The following RUVBL2 variants were observed in gnomAD, a reference collection of about 807,000 sequenced individuals.
RUVBL2 encodes the protein ruvB-like 2.
In RUVBL2, 9 loss-of-function variants were observed where a neutral mutation model predicts 57.9. The ratio of observed to expected loss-of-function variants is 0.16; its 90% confidence interval spans 0.09 to 0.27. The LOEUF (loss-of-function observed/expected upper bound fraction) is 0.27. Ranked by LOEUF, RUVBL2 falls within the 10% of genes least tolerant of loss-of-function variation. The probability of loss-of-function intolerance (pLI) is 1.00; values close to 1 mark genes in which losing one functional copy is unlikely to be tolerated. For synonymous variants in RUVBL2, 278 were observed against 264.6 expected, an observed-to-expected ratio of 1.05 and a Z score of -0.49; for missense variants, 456 against 669.6, an observed-to-expected ratio of 0.68 and a Z score of 3.52.
Position 49,009,821 on chromosome 19 carries a change from A to G in RUVBL2, c.508A>G (p.Thr170Ala), listed in dbSNP as rs923324848. 1.2e-6 allele frequency: 2 copies of G among 1,613,868 alleles called. No individual in the cohort carries two copies. Among genetic ancestry groups the G allele is most frequent in the African/African-American group, 2.7e-5 (2 of 74,864 alleles). The change falls in exon 7 of 15, where the codon ACC becomes GCC. Residue 170 changes from threonine (T) to alanine (A), a missense_variant. By Grantham distance (58) the Thr-to-Ala change is moderately conservative. Transcript: ENST00000595090. ...GACCCTCAAGACCACAGAGATGGAG[A>G]CCATCTACGACCTGGGCACCAAGAT... ...KLTLKTTEME[T>A]IYDLGTKMIE...
At chr19:49,003,530 A>C (rs571154134) in intron 3 of RUVBL2, among the ~76,000 whole-genome samples, 196 bp downstream of exon 3, 1 of 152,318 alleles carries the variant, frequency 6.6e-6, no homozygotes, top group East Asian at 1.9e-4. Flanking sequence ...TCATGCCTGT[A>C]ATCTCAGCAC....
In RUVBL2 at chr19:49,004,296, G is replaced by A; in HGVS notation, c.143G>A (p.Gly48Asp). ...CCACAGGCTTCGCAAGGCATGGTGG[G>A]TCAGCTGGCGGCACGGCGGGCGGCT... ...EPRQASQGMV[G>D]QLAARRAAGV... Residue 48 changes from glycine to aspartate, a missense_variant, in exon 4 of 15, where the codon GGT becomes GAT. Coordinates refer to ENST00000595090, the MANE Select transcript of RUVBL2 (RefSeq NM_006666.3). The A allele has an allele frequency of 6.2e-7, 1 of 1,612,470 alleles. No individual in the cohort carries two copies. The highest frequency in any genetic ancestry group is 8.5e-7 in the Non-Finnish European group (1 of 1,179,846).
At position 49,015,018 on chromosome 19, in the gene RUVBL2, C is replaced by A. The variant is rs1158133997; in HGVS notation, c.1122-3C>A. ...AGCCACCCCTGTCCCCCACTGCTTG[C>A]AGGTGCGAGGAAGAAGATGTGGAGA... On this transcript the variant is annotated splice_region_variant and splice_polypyrimidine_tract_variant and intron_variant, in intron 12 of 14. Transcript: ENST00000595090. 6.3e-7 allele frequency: 1 copy of A among 1,595,326 alleles called. No homozygotes were observed. The highest frequency in any genetic ancestry group is 8.5e-7 in the Non-Finnish European group (1 of 1,171,598).
intron 2 of RUVBL2, among the ~76,000 whole-genome samples, chr19:49,001,136 G>A (rs185341329): frequency 0.011 from 1,675 of 150,530 alleles, 34 homozygotes; most frequent in African/African-American, 0.038. Context: ...AGAGTGAGAC[G>A]CTCTCTCAAA....
At chr19:48,994,289 G>A (rs534930888) in intron 1 of RUVBL2, 41 of 294,902 alleles carry the variant, frequency 1.4e-4, no homozygotes, top group African/African-American at 8.3e-4. Flanking sequence ...TGGGAGCCTT[G>A]GATTGTTAGT....
chr19:48,999,173 A>G (rs1157226077), intron 1 of RUVBL2, 146 bp from the exon 2 acceptor site: 3 of 832,124 alleles, frequency 3.6e-6, no homozygotes, highest in Non-Finnish European at 6.2e-6. Flanking sequence ...GTGACAGGCA[A>G]GAGGGGTGGG....
At chr19:49,010,301 C>A (rs1436106436) in intron 8 of RUVBL2, 187 bp from the exon 9 acceptor site, 3 of 699,534 alleles carry the variant, frequency 4.3e-6, no homozygotes, top group Non-Finnish European at 7.2e-6. Flanking sequence ...CCCCCGTGAC[C>A]CTCAGCGCTC....
intron 4 of RUVBL2, among the ~76,000 whole-genome samples, chr19:49,006,318 G>A (rs140932550): frequency 3.5e-4 from 53 of 152,368 alleles, no homozygotes; most frequent in African/African-American, 1.2e-3. Flanking sequence ...AAGGTCTGGC[G>A]TTCAGAGCTA....
At chr19:49,010,771 C>T (rs1289838832) in intron 9 of RUVBL2, among the ~76,000 whole-genome samples, 160 bp downstream of exon 9, 1 of 152,158 alleles carries the variant, frequency 6.6e-6, no homozygotes, top group Non-Finnish European at 1.5e-5. Flanking sequence ...TGCAAGTCCG[C>T]TCCGTCCCCA....
rs1489770524 is a variant in RUVBL2, at chr19:49,015,002, T to C, written c.1122-19T>C. ...GGCTGGGCCCCGGCTGAGCCACCCCTGTCCCCCACTGCTTGCAGGTGCGAG... is the reference window on the plus strand; with the variant it reads ...GGCTGGGCCCCGGCTGAGCCACCCCCGTCCCCCACTGCTTGCAGGTGCGAG... On this transcript the variant is annotated intron_variant, in intron 12 of 14. Coordinates refer to ENST00000595090, the MANE Select transcript of RUVBL2 (RefSeq NM_006666.3). 6.3e-7 allele frequency: 1 copy of C among 1,584,260 alleles called. No individual in the cohort carries two copies. The highest frequency in any genetic ancestry group is 8.6e-7 in the Non-Finnish European group (1 of 1,166,332).
At chr19:49,001,226 A>G (rs1431702146) in intron 2 of RUVBL2, 1 of 151,176 alleles carries the variant, frequency 6.6e-6, no homozygotes, top group Non-Finnish European at 1.5e-5. Context: ...CAGTGGCGCA[A>G]TCTCGGCTCA....
Position 49,011,027 on chromosome 19 carries a change from C to A in RUVBL2, c.816C>A (p.Val272=). ...SGDTGEIKSE[V]REQINAKVAE... is the part of the protein sequence containing the mutation. ...ACACAGGGGAGATCAAGTCAGAAGTCCGTGAGCAGATCAATGCCAAGGTGG... is the reference window on the plus strand; with the variant it reads ...ACACAGGGGAGATCAAGTCAGAAGTACGTGAGCAGATCAATGCCAAGGTGG... Residue 272 remains valine, a synonymous_variant, in exon 10 of 15, where the codon GTC becomes GTA. Coordinates refer to ENST00000595090, the MANE Select transcript of RUVBL2 (RefSeq NM_006666.3). This position sits in a 1 kb window ranked among gnomAD's most constrained non-coding sequence, Gnocchi z 4.4. 6.2e-7 allele frequency: 1 copy of A among 1,613,128 alleles called. No homozygotes were observed. Among genetic ancestry groups the A allele is most frequent in the African/African-American group, 1.3e-5 (1 of 75,008 alleles).
chr19:49,014,750 G>T, intron 12 of RUVBL2, 147 bp downstream of exon 12: 1 of 1,212,404 alleles, frequency 8.2e-7, no homozygotes, highest in Non-Finnish European at 1.1e-6. Flanking sequence ...GGTGGCCTCC[G>T]ATCCGGGAGC....
upstream of RUVBL2, chr19:48,993,819 A>C: frequency 6.7e-7 from 1 of 1,492,458 alleles, no homozygotes; most frequent in Non-Finnish European, 9.3e-7. Flanking sequence ...AACCATCGAG[A>C]TCTTTGAAGA....
intron 8 of RUVBL2, 21 bp from the exon 9 acceptor site, chr19:49,010,467 T>TGCCCG: frequency 7.1e-7 from 1 of 1,401,208 alleles, no homozygotes; most frequent in Non-Finnish European, 9.9e-7. Context: ...CCGCCGTTCT[T>TGCCCG]CCCCCACCCC....
At position 49,009,861 on chromosome 19, in the gene RUVBL2, C is replaced by T; in HGVS notation, c.548C>T (p.Thr183Ile). 1 of 1,614,086 alleles carries T rather than the reference C, an allele frequency of 6.2e-7. No individual in the cohort carries two copies. Among genetic ancestry groups the T allele is most frequent in the South Asian group, 1.1e-5 (1 of 91,080 alleles). ...GGCACCAAGATGATTGAGTCCCTGA[C>T]CAAGGACAAGGTCCAGGCCGGGTGA... The part of the protein sequence containing the change: ...DLGTKMIESL[T>I]KDKVQAGDVI... Residue 183 changes from threonine to isoleucine, a missense_variant, in exon 7 of 15, where the codon ACC becomes ATC. This residue lies in a region of RUVBL2 where 233 missense variants were observed against 306.0 expected (regional missense o/e 0.76). Coordinates refer to ENST00000595090, the MANE Select transcript of RUVBL2 (RefSeq NM_006666.3).
At chr19:48,998,939 A>G (rs568311178) in intron 1 of RUVBL2, among the ~76,000 whole-genome samples, 59 of 151,558 alleles carry the variant, frequency 3.9e-4, no homozygotes, top group African/African-American at 1.4e-3. Context: ...GAGGCAGAGA[A>G]TTTCTTGAAC....
chr19:49,002,469 G>A lies in RUVBL2; in HGVS notation c.68-810G>A, dbSNP rs2039203783. Among the ~76,000 whole-genome samples, 3 of 152,144 alleles carry A rather than the reference G, an allele frequency of 2.0e-5. 1 individual carries two copies. In the South Asian group the frequency reaches 6.2e-4, roughly 32 times the overall value. ...CCCTCTCGCTGGCTGTGTGGCTGGG[G>A]CATGGGACCTAACCTCTCTGAGCTC... On this transcript the variant is annotated intron_variant, in intron 2 of 14. Transcript: ENST00000595090.
At chr19:48,995,636 C>T (rs148548181) in intron 1 of RUVBL2, among the ~76,000 whole-genome samples, 23 of 151,684 alleles carry the variant, frequency 1.5e-4, no homozygotes, top group African/African-American at 5.3e-4. Context: ...ATTGCTTGAG[C>T]CCAGGAATTT....
Sources: allele counts gnomAD v4.1 joint callset (sites outside exome capture counted in the v4.1 genomes callset), GRCh38; gene constraint gnomAD v4.1.1; regional missense constraint gnomAD v4.1.1; non-coding constraint Gnocchi (gnomAD v3.1); transcripts MANE v1.5; gene names NCBI Gene and HGNC (gene_info 2026-07-23, HGNC 2026-07-21).